Variants in SNTB1 observed in about 807,000 individuals in gnomAD.
The protein encoded by SNTB1 is beta-1-syntrophin.
SNTB1 carries 36 observed loss-of-function variants against 48.9 expected under a neutral mutation model. That is an observed-to-expected ratio of 0.74 (90% CI 0.56 to 0.97). The LOEUF (loss-of-function observed/expected upper bound fraction) is 0.97. Among genes scored for constraint, SNTB1 ranks in the 50% least tolerant of loss-of-function variants. SNTB1 has a pLI of 0.00. For synonymous variants in SNTB1, 299 were observed against 294.6 expected (o/e 1.01, Z -0.15); for missense variants, 786 against 703.4 (o/e 1.12, Z -1.33).
At chr8:120,751,934 C>G (rs1172058123) in intron 1 of SNTB1, among the ~76,000 whole-genome samples, 4 of 152,164 alleles carry the variant, frequency 2.6e-5, no homozygotes, top group Non-Finnish European at 4.4e-5. Context: ...TGGTGCAACT[C>G]AGCACACAGC....
intron 1 of SNTB1, among the ~76,000 whole-genome samples, chr8:120,755,070 G>A (rs1364689268): frequency 6.6e-6 from 1 of 152,034 alleles, no homozygotes; most frequent in Non-Finnish European, 1.5e-5. Context: ...TGGTTGCAGT[G>A]GCCTTCACAC....
At chr8:120,724,187 T>C (rs984528576) in intron 1 of SNTB1, among the ~76,000 whole-genome samples, 7 of 152,200 alleles carry the variant, frequency 4.6e-5, no homozygotes, top group Non-Finnish European at 1.0e-4. Context: ...AGGAGCCCTG[T>C]TTCAGGGGAC....
At chr8:120,634,055 C>G (rs905461040) in intron 2 of SNTB1, among the ~76,000 whole-genome samples, 2 of 152,026 alleles carry the variant, frequency 1.3e-5, no homozygotes, top group African/African-American at 4.8e-5. Flanking sequence ...GTCATGTGTT[C>G]CCCCACACCC....
At chr8:120,576,274 G>T (rs902601219) in intron 3 of SNTB1, among the ~76,000 whole-genome samples, 2 of 152,168 alleles carry the variant, frequency 1.3e-5, no homozygotes, top group African/African-American at 4.8e-5. Flanking sequence ...ATTTAATGTT[G>T]TCATAATAAG....
In SNTB1 at chr8:120,696,332, A is replaced by G. The variant is rs373452526; in HGVS notation, c.572-2424T>C. The stretch of plus-strand genomic sequence containing the variant: ...AGGACTTTAAAAAGTAGAGATAAGA[A>G]CAATAATCCTTCCTTTACGTAACAT... On this transcript the variant is annotated intron_variant, in intron 1 of 6. Coordinates refer to ENST00000517992, the MANE Select transcript of SNTB1 (RefSeq NM_021021.4). Among the ~76,000 whole-genome samples, 382 of 152,288 alleles carry G rather than the reference A, an allele frequency of 2.5e-3. 1 individual carries two copies. Among genetic ancestry groups the G allele is most frequent in the South Asian group, 7.7e-3 (37 of 4,820 alleles).
Position 120,694,548 on chromosome 8 carries a change from A to C in SNTB1, c.572-640T>G, listed in dbSNP as rs191207266. Among the ~76,000 whole-genome samples the C allele has an allele frequency of 1.0e-3, 151 of 151,420 alleles. 1 individual carries two copies. Among genetic ancestry groups the C allele is most frequent in the African/African-American group, 3.5e-3 (144 of 41,424 alleles). ...TTAAAAAATGATATATATATCATTA[A>C]TTCTTAATATATATCATTAATTCTT... On this transcript the variant is annotated intron_variant, in intron 1 of 6. Coordinates refer to ENST00000517992, the MANE Select transcript of SNTB1 (RefSeq NM_021021.4).
chr8:120,568,391 G>A (rs1815788024), intron 4 of SNTB1, among the ~76,000 whole-genome samples: 1 of 152,154 alleles, frequency 6.6e-6, no homozygotes, highest in Admixed American at 6.6e-5. Flanking sequence ...CTTTCTAAAA[G>A]TCTTTTTCTA....
intron 2 of SNTB1, among the ~76,000 whole-genome samples, chr8:120,657,005 A>G (rs1431487385): frequency 6.6e-6 from 1 of 152,246 alleles, no homozygotes; most frequent in Admixed American, 6.5e-5. Context: ...GCTATTTACT[A>G]CGATAAAAAA....
chr8:120,760,204 G>A (rs1289399542), intron 1 of SNTB1, among the ~76,000 whole-genome samples: 1 of 149,894 alleles, frequency 6.7e-6, no homozygotes, highest in African/African-American at 2.5e-5. Flanking sequence ...TAGCTCACAA[G>A]CTATACAAAC....
chr8:120,646,376 G>C (rs1354488384), intron 2 of SNTB1, among the ~76,000 whole-genome samples: 8 of 146,038 alleles, frequency 5.5e-5, no homozygotes, highest in South Asian at 2.3e-4. Flanking sequence ...TAGCATGAAG[G>C]GTTGTTGAAT....
chr8:120,802,130 T>C (rs945842768), intron 1 of SNTB1, among the ~76,000 whole-genome samples: 6 of 152,074 alleles, frequency 3.9e-5, no homozygotes, highest in Admixed American at 6.6e-5. Flanking sequence ...CAGGACTAAA[T>C]AGAGAATAAA....
chr8:120,714,474 T>G (rs1218517557), intron 1 of SNTB1, among the ~76,000 whole-genome samples: 3 of 151,912 alleles, frequency 2.0e-5, no homozygotes, highest in Admixed American at 1.3e-4. Context: ...CATGGAGATA[T>G]ATAAAGTCCT....
At chr8:120,738,739 A>C (rs1818993618) in intron 1 of SNTB1, among the ~76,000 whole-genome samples, 1 of 152,180 alleles carries the variant, frequency 6.6e-6, no homozygotes, top group Non-Finnish European at 1.5e-5. Flanking sequence ...TGAAAATTGC[A>C]AAGCACACTA....
In SNTB1 at chr8:120,649,640, C is replaced by T. The variant is rs1262243579; in HGVS notation, c.789-16989G>A. Among the ~76,000 whole-genome samples, 64 of 150,228 alleles carry T rather than the reference C, an allele frequency of 4.3e-4. 1 individual carries two copies. Among genetic ancestry groups the T allele is most frequent in the Non-Finnish European group, 1.2e-4 (8 of 67,324 alleles). On this transcript the variant is annotated intron_variant, in intron 2 of 6. Coordinates refer to ENST00000517992, the MANE Select transcript of SNTB1 (RefSeq NM_021021.4). The stretch of plus-strand genomic sequence containing the variant: ...TTTTTGTTTGTCTGTGCCCTGCCCC[C>T]AGAGGTGGAGCCTACAGAGGCAGGC...
chr8:120,658,121 A>C (rs1391552590), intron 2 of SNTB1, among the ~76,000 whole-genome samples: 1 of 152,214 alleles, frequency 6.6e-6, no homozygotes, highest in Non-Finnish European at 1.5e-5. Flanking sequence ...CAGGAGGAGA[A>C]AATGGGAGAG....
At chr8:120,651,171 C>T (rs950219639) in intron 2 of SNTB1, among the ~76,000 whole-genome samples, 1 of 152,124 alleles carries the variant, frequency 6.6e-6, no homozygotes, top group Admixed American at 6.5e-5. Context: ...ATGGAGAGTC[C>T]TCCAGGGCAG....
intron 3 of SNTB1, among the ~76,000 whole-genome samples, chr8:120,615,700 T>C (rs1816702277): frequency 6.6e-6 from 1 of 152,228 alleles, no homozygotes; most frequent in African/African-American, 2.4e-5. Context: ...AGCAAGTCTC[T>C]TTAAGTGCAA....
intron 1 of SNTB1, among the ~76,000 whole-genome samples, chr8:120,740,252 G>T: frequency 6.6e-6 from 1 of 152,078 alleles, no homozygotes; most frequent in East Asian, 1.9e-4. Context: ...CAAGAACTTG[G>T]CACATGTTAT....
intron 2 of SNTB1, among the ~76,000 whole-genome samples, chr8:120,659,622 C>G (rs1817556204): frequency 6.6e-6 from 1 of 152,172 alleles, no homozygotes; most frequent in African/African-American, 2.4e-5. Flanking sequence ...TATATCCTTT[C>G]CAGAAGGTTG....
Sources: gnomAD v4.1 joint callset for allele counts (sites outside exome capture counted in the v4.1 genomes callset) on GRCh38, gnomAD v4.1.1 for gene constraint, MANE v1.5 for transcripts, NCBI Gene and HGNC (gene_info 2026-07-23, HGNC 2026-07-21) for gene names.